Variants in BTC observed in about 807,000 individuals in gnomAD.
BTC encodes the protein betacellulin.
A neutral mutation model predicts 18.1 loss-of-function variants in BTC; 13 were observed. That is an observed-to-expected ratio of 0.72 (90% CI 0.47 to 1.14). BTC has a LOEUF of 1.14. BTC is among the 50% of genes most tolerant of loss of function. The pLI, the probability that BTC is intolerant of heterozygous loss-of-function variation, is 0.00. For missense variants in BTC, 247 were observed against 224.2 expected (o/e 1.10, Z -0.65); for synonymous variants, 83 against 79.4 (o/e 1.05, Z -0.24).
intron 3 of BTC, 122 bp from the exon 4 acceptor site, chr4:74,750,841 T>C (rs1724441553): frequency 1.5e-6 from 2 of 1,355,626 alleles, no homozygotes; most frequent in Admixed American, 2.5e-5. Context: ...AGTTCCCTTT[T>C]TAAAAAAAGA....
chr4:74,786,162 A>T lies in BTC; in HGVS notation c.64+8100T>A, dbSNP rs577804733. ...GACCAGTTGAGTGTCAGAAACTCAGATGGCATTTCAGTAGGAAGGTGATCG... is the reference window on the plus strand; with the variant it reads ...GACCAGTTGAGTGTCAGAAACTCAGTTGGCATTTCAGTAGGAAGGTGATCG... On this transcript the variant is annotated intron_variant, in intron 1 of 5. Transcript: ENST00000395743. 8.1e-4 allele frequency among the ~76,000 whole-genome samples: 123 copies of T among 152,314 alleles called. 1 individual carries two copies. Among genetic ancestry groups the T allele is most frequent in the African/African-American group, 2.9e-3 (120 of 41,558 alleles).
Position 74,750,468 on chromosome 4 carries a change from A to C in BTC, c.428+105T>G, listed in dbSNP as rs530641143. The C allele has an allele frequency of 9.8e-5, 119 of 1,217,052 alleles. No homozygotes were observed. In the South Asian group the frequency reaches 1.6e-3, roughly 17 times the overall value. 75.4% of individuals were successfully genotyped at this position (1,217,052 alleles called of 1,614,324 possible). ...AAGCTCAAAAAGTAAATTTATTTGA[A>C]TCAAAGAAAAAGCAAAAGAGAATGT... On this transcript the variant is annotated intron_variant, in intron 4 of 5. Transcript: ENST00000395743.
At chr4:74,764,407 T>G (rs1724843639) in intron 2 of BTC, among the ~76,000 whole-genome samples, 1 of 152,044 alleles carries the variant, frequency 6.6e-6, no homozygotes. Flanking sequence ...TAGACCAAAA[T>G]GAAAATTTTG....
Position 74,791,274 on chromosome 4 carries a change from G to A in BTC, c.64+2988C>T, listed in dbSNP as rs182424509. ...GGAGAGTCACTTGAGCCCTGGAGGC[G>A]GAGGTTGCAGTGAGCTGAGATCATG... On this transcript the variant is annotated intron_variant, in intron 1 of 5. Coordinates refer to ENST00000395743, the MANE Select transcript of BTC (RefSeq NM_001729.4). Among the ~76,000 whole-genome samples the A allele has an allele frequency of 1.1e-3, 164 of 152,214 alleles. 1 individual carries two copies. Among genetic ancestry groups the A allele is most frequent in the Non-Finnish European group, 2.0e-3 (135 of 68,012 alleles).
chr4:74,763,272 T>C (rs1724812705), intron 2 of BTC, among the ~76,000 whole-genome samples: 1 of 152,182 alleles, frequency 6.6e-6, no homozygotes, highest in Admixed American at 6.5e-5. Flanking sequence ...TGTATTTGTA[T>C]TTTAATTATG....
intron 3 of BTC, among the ~76,000 whole-genome samples, chr4:74,754,575 A>G (rs1053550052): frequency 6.6e-6 from 1 of 152,332 alleles, no homozygotes; most frequent in African/African-American, 2.4e-5. Flanking sequence ...CTGGGCTACA[A>G]GAAGAGCTTA....
chr4:74,787,029 C>A (rs1171416774), intron 1 of BTC, among the ~76,000 whole-genome samples: 2 of 151,884 alleles, frequency 1.3e-5, no homozygotes, highest in Non-Finnish European at 2.9e-5. Flanking sequence ...CCACCAACAG[C>A]CACTTACATT....
chr4:74,749,483 A>AAAATAAATGAAT (rs1553955860), intron 4 of BTC, among the ~76,000 whole-genome samples: 3 of 143,740 alleles, frequency 2.1e-5, no homozygotes, highest in Admixed American at 7.0e-5. Context: ...ACTCTGTCTC[A>AAAATAAATGAAT]AAATAAATAA....
intron 2 of BTC, among the ~76,000 whole-genome samples, chr4:74,765,958 A>G: frequency 6.6e-6 from 1 of 152,158 alleles, no homozygotes; most frequent in East Asian, 1.9e-4. Flanking sequence ...CCTTAGTTAT[A>G]TGGTATAGCT....
At chr4:74,755,768 C>A in intron 3 of BTC, 91 bp downstream of exon 3, 1 of 1,203,012 alleles carries the variant, frequency 8.3e-7, no homozygotes, top group South Asian at 1.3e-5. Flanking sequence ...GGACAGATGG[C>A]ATGGTTAGCT....
At chr4:74,760,812 G>A (rs1422500054) in intron 2 of BTC, among the ~76,000 whole-genome samples, 25 of 150,378 alleles carry the variant, frequency 1.7e-4, no homozygotes, top group African/African-American at 5.9e-4. Flanking sequence ...TCGGCTCACT[G>A]CAAGCTCCGC....
intron 1 of BTC, among the ~76,000 whole-genome samples, chr4:74,793,924 C>G (rs1301353313): frequency 4.6e-5 from 7 of 151,560 alleles, no homozygotes; most frequent in African/African-American, 7.3e-5. Context: ...CGCCTCACCC[C>G]GGTGGACAGC....
At chr4:74,765,279 T>C (rs1252512670) in intron 2 of BTC, among the ~76,000 whole-genome samples, 1 of 151,742 alleles carries the variant, frequency 6.6e-6, no homozygotes, top group African/African-American at 2.4e-5. Context: ...AACAAAGAGA[T>C]AGAAAATATT....
intron 1 of BTC, among the ~76,000 whole-genome samples, chr4:74,787,910 T>A (rs982427): frequency 0.99 from 150,783 of 152,306 alleles, 74,658 homozygotes; most frequent in East Asian, 1. Flanking sequence ...GGAAAAAGAA[T>A]CATGAAGCAA....
At position 74,745,824 on chromosome 4, in the gene BTC, C is replaced by T. The variant is rs973195612; in HGVS notation, c.*853G>A. 6.6e-6 allele frequency: 1 copy of T among 152,142 alleles called. No homozygotes were observed. Among genetic ancestry groups the T allele is most frequent in the Non-Finnish European group, 1.5e-5 (1 of 68,034 alleles). 9.4% of individuals were successfully genotyped at this position (152,142 alleles called of 1,614,324 possible). On this transcript the variant is annotated 3_prime_UTR_variant, in exon 6 of 6. Transcript: ENST00000395743. ...TAAGGAATGCCAAGCATTTACTTTT[C>T]CATCTCTATTCATTTCCCTAGTTAT...
intron 2 of BTC, 110 bp from the exon 3 acceptor site, chr4:74,756,086 T>A: frequency 9.7e-7 from 1 of 1,026,606 alleles, no homozygotes; most frequent in Non-Finnish European, 1.5e-6. Context: ...TGTTTGAATC[T>A]CTCATTTTTC....
chr4:74,772,260 A>T (rs1308916528), intron 1 of BTC, among the ~76,000 whole-genome samples: 2 of 152,218 alleles, frequency 1.3e-5, no homozygotes, highest in Non-Finnish European at 2.9e-5. Context: ...AGAAAAAAGG[A>T]GTGACTCATG....
rs181728548 is a variant in BTC at position 74,773,579 on chromosome 4, C to A, written c.65-3423G>T. Among the ~76,000 whole-genome samples, 347 of 151,936 alleles carry A rather than the reference C, an allele frequency of 2.3e-3. 3 individuals are homozygous for A. The highest frequency in any genetic ancestry group is 8.0e-3 in the African/African-American group (330 of 41,414). On this transcript the variant is annotated intron_variant, in intron 1 of 5. Transcript: ENST00000395743. Reference sequence around the variant, plus strand: ...TAACAGACACAGGTATTATCATTAACCTTAAGGAGATCACATTCTGGTAAG... The same window carrying A: ...TAACAGACACAGGTATTATCATTAAACTTAAGGAGATCACATTCTGGTAAG...
chr4:74,750,371 A>C (rs895196775), intron 4 of BTC, among the ~76,000 whole-genome samples: 1 of 152,174 alleles, frequency 6.6e-6, no homozygotes, highest in African/African-American at 2.4e-5. Context: ...AATTACAACA[A>C]TTTTATTCAG....
Sources: gnomAD v4.1 joint callset for allele counts (sites outside exome capture counted in the v4.1 genomes callset) on GRCh38, gnomAD v4.1.1 for gene constraint, MANE v1.5 for transcripts, NCBI Gene and HGNC (gene_info 2026-07-23, HGNC 2026-07-21) for gene names.